Variants in TWIST2 observed in about 807,000 individuals in gnomAD.
TWIST2 encodes twist-related protein 2.
TWIST2 carries 1 observed loss-of-function variant against 11.6 expected under a neutral mutation model. That is an observed-to-expected ratio of 0.09 (90% CI 0.03 to 0.41). The LOEUF is 0.41. TWIST2 is among the 10% of genes least tolerant of loss of function. TWIST2 has a pLI of 0.98. For missense variants in TWIST2, 168 were observed against 226.4 expected, an observed-to-expected ratio of 0.74 and a Z score of 1.66; for synonymous variants, 87 against 96.6, an observed-to-expected ratio of 0.90 and a Z score of 0.58.
At chr2:238,856,900 A>T (rs929648440) in intron 1 of TWIST2, among the ~76,000 whole-genome samples, 1 of 152,174 alleles carries the variant, frequency 6.6e-6, no homozygotes, top group African/African-American at 2.4e-5. Context: ...CTTGAAGAGG[A>T]CCTCAGGTGC....
rs376751971 is a variant in TWIST2, at chr2:238,866,517, C to A, written c.*35+17784C>A. 1.8e-4 allele frequency among the ~76,000 whole-genome samples: 28 copies of A among 152,274 alleles called. No homozygotes were observed. The East Asian group carries it at 3.1e-3, about 17-fold the overall frequency. On this transcript the variant is annotated intron_variant, in intron 1 of 1. Transcript: ENST00000612363. The surrounding 1 kb of genome is among the most constrained non-coding windows in gnomAD (Gnocchi z 4.9). The stretch of plus-strand genomic sequence containing the variant: ...GCCAAAAATAGAAAAATTAGCTGGG[C>A]ATGGTGGTGTGTGCCTGTAATCCCA...
At chr2:238,905,914 CGTGCAGGTGTGCGTGT>C (rs1251987526) in intron 1 of TWIST2, among the ~76,000 whole-genome samples, 6 of 103,652 alleles carry the variant, frequency 5.8e-5, no homozygotes, top group Admixed American at 1.8e-4. Context: ...CGTGTGTGTG[CGTGCAGGTGTGCGTGT>C]GCGCGTGTGT....
intron 1 of TWIST2, among the ~76,000 whole-genome samples, chr2:238,909,193 G>GGT (rs1339475376): frequency 1.8e-4 from 1 of 5,436 alleles, no homozygotes; most frequent in South Asian, 4.9e-3. Context: ...TGGTATGTTT[G>GGT]GTGTGTGTGT....
chr2:238,879,569 C>G (rs142312999), intron 1 of TWIST2, among the ~76,000 whole-genome samples: 1,957 of 152,274 alleles, frequency 0.013, 77 homozygotes, highest in East Asian at 0.13. Flanking sequence ...CTACCCATCC[C>G]CTATTCTGAC....
intron 1 of TWIST2, among the ~76,000 whole-genome samples, chr2:238,905,920 GGTGTGC>G (rs1305403376): frequency 9.5e-4 from 108 of 113,132 alleles, no homozygotes; most frequent in African/African-American, 3.3e-3. Context: ...TGTGCGTGCA[GGTGTGC>G]GTGTGCGCGT....
chr2:238,853,520 A>C (rs1692281836), intron 1 of TWIST2, among the ~76,000 whole-genome samples: 1 of 151,904 alleles, frequency 6.6e-6, no homozygotes, highest in African/African-American at 2.4e-5. Flanking sequence ...TTTTTAATGA[A>C]TAATTGTTTA....
In TWIST2 at chr2:238,848,469, C is replaced by G; in HGVS notation, c.254C>G (p.Ala85Gly). 1.9e-6 allele frequency: 3 copies of G among 1,568,402 alleles called. No individual in the cohort carries two copies. Among genetic ancestry groups the G allele is most frequent in the Non-Finnish European group, 2.6e-6 (3 of 1,159,776 alleles). ...ERQRTQSLNE[A>G]FAALRKIIPT... ...CAGCGCACCCAGTCGCTCAACGAGG[C>G]CTTCGCGGCGCTGCGCAAGATCATC... Residue 85 changes from alanine to glycine, a missense_variant, in exon 1 of 2, where the codon GCC becomes GGC. Physicochemically the swap from Ala to Gly is moderately conservative, Grantham distance 60 (BLOSUM62 0). Coordinates refer to ENST00000612363, the MANE Select transcript of TWIST2 (RefSeq NM_001271893.4).
At chr2:238,851,350 G>C (rs1485806874) in intron 1 of TWIST2, among the ~76,000 whole-genome samples, 1 of 152,144 alleles carries the variant, frequency 6.6e-6, no homozygotes, top group Non-Finnish European at 1.5e-5. Flanking sequence ...CCAGTCAGTT[G>C]GATTCATCTA....
chr2:238,857,026 C>T (rs1320328878), intron 1 of TWIST2, among the ~76,000 whole-genome samples: 3 of 152,090 alleles, frequency 2.0e-5, no homozygotes, highest in Admixed American at 6.5e-5. Context: ...ATTCAGATGC[C>T]AGAGAAAGCA....
chr2:238,874,655 G>T (rs1229516180), intron 1 of TWIST2, among the ~76,000 whole-genome samples: 1 of 152,196 alleles, frequency 6.6e-6, no homozygotes, highest in African/African-American at 2.4e-5. Flanking sequence ...AAAAGGCCTG[G>T]AGGAGTTTCT....
chr2:238,883,521 G>C (rs1317129679), intron 1 of TWIST2, among the ~76,000 whole-genome samples: 1 of 152,262 alleles, frequency 6.6e-6, no homozygotes, highest in African/African-American at 2.4e-5. Flanking sequence ...CAGAGCTGCA[G>C]AGCGAGGCGG....
intron 1 of TWIST2, among the ~76,000 whole-genome samples, chr2:238,901,164 A>T (rs1693264790): frequency 6.6e-6 from 1 of 151,784 alleles, no homozygotes; most frequent in African/African-American, 2.4e-5. Context: ...TTTAGTAGAG[A>T]GAGGGTTTCA....
At chr2:238,896,494 T>C (rs1693209301) in intron 1 of TWIST2, among the ~76,000 whole-genome samples, 1 of 152,096 alleles carries the variant, frequency 6.6e-6, no homozygotes, top group African/African-American at 2.4e-5. Context: ...TGGGGTGGGG[T>C]GTGACTTATC....
Position 238,848,188 on chromosome 2 carries a change from C to T in TWIST2, c.-28C>T. On this transcript the variant is annotated 5_prime_UTR_variant, in exon 1 of 2. Coordinates refer to ENST00000612363, the MANE Select transcript of TWIST2 (RefSeq NM_001271893.4). Reference sequence around the variant, plus strand: ...GCGCGCGCTCGGCGCCCCGGCGCCCCCAGCCCCACGCGCGCCGGGCGGGCG... The same window carrying T: ...GCGCGCGCTCGGCGCCCCGGCGCCCTCAGCCCCACGCGCGCCGGGCGGGCG... 1.6e-6 allele frequency: 2 copies of T among 1,262,524 alleles called. No homozygotes were observed. Among genetic ancestry groups the T allele is most frequent in the Non-Finnish European group, 2.0e-6 (2 of 1,006,342 alleles). 78.2% of individuals were successfully genotyped at this position (1,262,524 alleles called of 1,614,324 possible). A position where few individuals can be genotyped will look rare whatever the true frequency, so the allele number is the denominator to read the frequency against.
intron 1 of TWIST2, among the ~76,000 whole-genome samples, chr2:238,876,210 G>A (rs1364277975): frequency 6.6e-6 from 1 of 152,220 alleles, no homozygotes; most frequent in Non-Finnish European, 1.5e-5. Flanking sequence ...GTGAAATCAA[G>A]TCAGGCACCC....
chr2:238,901,493 C>T (rs1327222073), intron 1 of TWIST2, among the ~76,000 whole-genome samples: 1 of 152,198 alleles, frequency 6.6e-6, no homozygotes, highest in Non-Finnish European at 1.5e-5. Flanking sequence ...TGCTCTGAGG[C>T]TGGATCCCTG....
chr2:238,875,611 T>C lies in TWIST2; in HGVS notation c.*35+26878T>C, dbSNP rs1371293710. Among the ~76,000 whole-genome samples the C allele has an allele frequency of 3.9e-5, 6 of 152,302 alleles. No individual in the cohort carries two copies. The East Asian group carries it at 9.7e-4, about 25-fold the overall frequency. ...TAACAGAGGTTGGCTTCCAGTGGGC[T>C]GGACGTTTACAAACAGATGGGAGCC... On this transcript the variant is annotated intron_variant, in intron 1 of 1. Transcript: ENST00000612363.
chr2:238,909,362 C>T (rs1465913481), intron 1 of TWIST2, among the ~76,000 whole-genome samples: 1 of 152,114 alleles, frequency 6.6e-6, no homozygotes, highest in Non-Finnish European at 1.5e-5. Context: ...CAGCTCCCGC[C>T]AGCGGCTGAC....
intron 1 of TWIST2, among the ~76,000 whole-genome samples, chr2:238,854,388 G>T (rs988023576): frequency 6.6e-6 from 1 of 152,100 alleles, no homozygotes; most frequent in Non-Finnish European, 1.5e-5. Flanking sequence ...TGCGACTGAC[G>T]GGAAAGATTT....
Sources: allele counts gnomAD v4.1 joint callset (sites outside exome capture counted in the v4.1 genomes callset), GRCh38; gene constraint gnomAD v4.1.1; non-coding constraint Gnocchi (gnomAD v3.1); transcripts MANE v1.5; gene names NCBI Gene and HGNC (gene_info 2026-07-23, HGNC 2026-07-21).